The following LBP variants were observed in gnomAD, a reference collection of about 807,000 sequenced individuals.
LBP encodes lipopolysaccharide binding protein, also known as lipopolysaccharide-binding protein.
LBP carries 53 observed loss-of-function variants against 56.6 expected under a neutral mutation model. The observed-to-expected ratio is 0.94, with a 90% CI of 0.75 to 1.18. LBP has a LOEUF of 1.18. Among genes scored for constraint, LBP ranks in the 50% most tolerant of loss-of-function variants. The pLI, the probability that LBP is intolerant of heterozygous loss-of-function variation, is 0.00. For missense variants in LBP, 601 were observed against 598.3 expected (o/e 1.00, Z -0.05); for synonymous variants, 227 against 247.5 (o/e 0.92, Z 0.78).
intron 8 of LBP, 96 bp from the exon 9 acceptor site, chr20:38,366,673 C>G (rs1224082838): frequency 8.7e-7 from 1 of 1,147,826 alleles, no homozygotes; most frequent in African/African-American, 1.5e-5. Context: ...TGTGGAGAAG[C>G]GACAGTCTTG....
chr20:38,367,776 A>G (rs1196408132), intron 9 of LBP, among the ~76,000 whole-genome samples: 4 of 152,232 alleles, frequency 2.6e-5, no homozygotes, highest in Non-Finnish European at 5.9e-5. Flanking sequence ...CATATACATA[A>G]CCAAAAGGTT....
intron 5 of LBP, among the ~76,000 whole-genome samples, 193 bp downstream of exon 5, chr20:38,355,602 C>A (rs1206855592): frequency 6.6e-6 from 1 of 152,124 alleles, no homozygotes; most frequent in East Asian, 1.9e-4. Context: ...GCTCCAAGTC[C>A]GTTCGGTTGG....
intron 4 of LBP, 116 bp from the exon 5 acceptor site, chr20:38,355,230 G>A (rs2232589): frequency 0.15 from 134,745 of 881,908 alleles, 10,755 homozygotes; most frequent in South Asian, 0.21. Flanking sequence ...GCAGGGCGCC[G>A]GGAAGGGGTG....
intron 14 of LBP, among the ~76,000 whole-genome samples, chr20:38,374,862 C>A (rs2076912691): frequency 1.3e-5 from 2 of 148,890 alleles, no homozygotes; most frequent in Admixed American, 6.7e-5. Flanking sequence ...TGGCTTACTG[C>A]AACCTCTGCC....
At chr20:38,362,642 TAAAC>T (rs771799699) in intron 6 of LBP, among the ~76,000 whole-genome samples, 210 of 147,866 alleles carry the variant, frequency 1.4e-3, no homozygotes, top group Admixed American at 1.1e-3. Flanking sequence ...AAATAATAAA[TAAAC>T]AAAATAAAAT....
chr20:38,351,126 A>G (rs773189224), intron 3 of LBP, among the ~76,000 whole-genome samples, 187 bp downstream of exon 3: 9 of 152,150 alleles, frequency 5.9e-5, no homozygotes, highest in Non-Finnish European at 1.0e-4. Flanking sequence ...CTGAGTCTCT[A>G]CTTCCTCATC....
At chr20:38,352,475 C>G (rs1170534447) in intron 3 of LBP, among the ~76,000 whole-genome samples, 1 of 152,226 alleles carries the variant, frequency 6.6e-6, no homozygotes, top group East Asian at 1.9e-4. Flanking sequence ...AAAACAGCAG[C>G]TGAGCACGGT....
chr20:38,350,938 T>C lies in LBP; in HGVS notation c.367T>C (p.Phe123Leu), dbSNP rs1204159456. Reference sequence around the variant, plus strand: ...CAGGTGGAAGGTGCGCAAGTCATTCTTGTAAGTTGGCTCTGCTCCCAGGCC... The same window carrying C: ...CAGGTGGAAGGTGCGCAAGTCATTCCTGTAAGTTGGCTCTGCTCCCAGGCC... ...QGRWKVRKSF[F>L]KLQGSFDVSV... The change falls in exon 3 of 15, where the codon TTC becomes CTC. Residue 123 changes from phenylalanine (F) to leucine (L), a missense_variant and splice_region_variant. Physicochemically the swap from Phe to Leu is conservative, Grantham distance 22 (BLOSUM62 0). Transcript: ENST00000217407. 2.5e-6 allele frequency: 4 copies of C among 1,613,260 alleles called. No homozygotes were observed. The highest frequency in any genetic ancestry group is 3.4e-6 in the Non-Finnish European group (4 of 1,179,372).
At chr20:38,365,668 G>T (rs2076877931) in intron 8 of LBP, among the ~76,000 whole-genome samples, 1 of 140,056 alleles carries the variant, frequency 7.1e-6, no homozygotes, top group Admixed American at 7.7e-5. Context: ...CTTCACTGCA[G>T]CCTGGGCAAC....
chr20:38,351,761 C>T (rs1043575637), intron 3 of LBP, among the ~76,000 whole-genome samples: 1 of 152,166 alleles, frequency 6.6e-6, no homozygotes, highest in African/African-American at 2.4e-5. Flanking sequence ...TGGCTCACCC[C>T]TGTAATCCCA....
At chr20:38,363,348 C>A (rs1430022942) in intron 6 of LBP, among the ~76,000 whole-genome samples, 1 of 152,220 alleles carries the variant, frequency 6.6e-6, no homozygotes, top group East Asian at 1.9e-4. Context: ...AAGTCCCCCA[C>A]TGATGGACAT....
At position 38,371,281 on chromosome 20, in the gene LBP, G is replaced by A; in HGVS notation, c.1219G>A (p.Val407Ile). 6.2e-7 allele frequency: 1 copy of A among 1,611,052 alleles called. No homozygotes were observed. The highest frequency in any genetic ancestry group is 1.1e-5 in the South Asian group (1 of 90,840). ...TTAATCTTCTCTGATTCATTACAGG[G>A]TAAAAGTGGAACTGAAAGAATCCAA... ...KITGFLKPGK[V>I]KVELKESKVG... Residue 407 changes from valine (V) to isoleucine (I), a missense_variant and splice_region_variant, in exon 12 of 15, where the codon GTA becomes ATA. Physicochemically the swap from Val to Ile is conservative, Grantham distance 29. Coordinates refer to ENST00000217407, the MANE Select transcript of LBP (RefSeq NM_004139.5).
rs756114008 is a variant in LBP at position 38,373,975 on chromosome 20, C to T, written c.1363C>T (p.Arg455Cys). ...AGGCTTCCCCCTTCCTCTGCTGAAG[C>T]GTGTTCAGCTCTACGACCTTGGGCT... ...AEGFPLPLLK[R>C]VQLYDLGLQI... The change falls in exon 14 of 15, where the codon CGT (arginine) becomes TGT (cysteine). Residue 455 changes from arginine to cysteine, a missense_variant. Arg to Cys is a radical substitution (Grantham distance 180). Transcript: ENST00000217407. 36 of 1,614,054 alleles carry T rather than the reference C, an allele frequency of 2.2e-5. No individual in the cohort carries two copies. Among genetic ancestry groups the T allele is most frequent in the South Asian group, 9.9e-5 (9 of 91,072 alleles).
At chr20:38,352,153 C>T (rs566790517) in intron 3 of LBP, among the ~76,000 whole-genome samples, 3 of 152,246 alleles carry the variant, frequency 2.0e-5, no homozygotes, top group African/African-American at 7.2e-5. Flanking sequence ...CTAATGGCCT[C>T]ATTTAAATGT....
chr20:38,348,972 T>C (rs1437486190), intron 1 of LBP, among the ~76,000 whole-genome samples: 1 of 152,104 alleles, frequency 6.6e-6, no homozygotes, highest in Non-Finnish European at 1.5e-5. Flanking sequence ...TTTTGTATTT[T>C]TTAGCAGAGA....
At chr20:38,369,641 A>G (rs6014861) in intron 10 of LBP, among the ~76,000 whole-genome samples, 24,942 of 151,982 alleles carry the variant, frequency 0.16, 2,866 homozygotes, top group African/African-American at 0.33. Context: ...CTCTTTCTTT[A>G]CCACGGCAGA....
intron 6 of LBP, among the ~76,000 whole-genome samples, chr20:38,361,131 T>C (rs1408583546): frequency 2.8e-5 from 4 of 143,968 alleles, no homozygotes; most frequent in Non-Finnish European, 6.0e-5. Context: ...CATTGCACCC[T>C]ACCCTGGGCA....
chr20:38,361,325 G>A (rs938112389), intron 6 of LBP, among the ~76,000 whole-genome samples: 1 of 152,036 alleles, frequency 6.6e-6, no homozygotes, highest in Non-Finnish European at 1.5e-5. Context: ...ATTCATGTAT[G>A]TATTATTTTG....
intron 10 of LBP, among the ~76,000 whole-genome samples, chr20:38,370,053 G>T (rs2076895800): frequency 6.6e-6 from 1 of 151,990 alleles, no homozygotes; most frequent in South Asian, 2.1e-4. Flanking sequence ...TATCAAAAGT[G>T]TCATTATTAA....
Sources: gnomAD v4.1 joint callset for allele counts (sites outside exome capture counted in the v4.1 genomes callset) on GRCh38, gnomAD v4.1.1 for gene constraint, MANE v1.5 for transcripts, NCBI Gene and HGNC (gene_info 2026-07-23, HGNC 2026-07-21) for gene names.